Variants in EPS8 observed in about 807,000 individuals in gnomAD.
The protein encoded by EPS8 is EGFR pathway substrate 8, signaling adaptor.
EPS8 carries 42 observed loss-of-function variants against 103.8 expected under a neutral mutation model. The observed-to-expected ratio is 0.40, with a 90% confidence interval of 0.32 to 0.52. The LOEUF (loss-of-function observed/expected upper bound fraction) is 0.52, where lower values mean the gene tolerates loss of function less well. Ranked by LOEUF, EPS8 falls within the 20% of genes least tolerant of loss-of-function variation. The pLI, the probability that EPS8 is intolerant of heterozygous loss-of-function variation, is 0.40. For missense variants in EPS8, 969 were observed against 1,005.1 expected, an observed-to-expected ratio of 0.96 and a Z score of 0.49; for synonymous variants, 344 against 344.6, an observed-to-expected ratio of 1.00 and a Z score of 0.02.
rs1212394915 is a variant in EPS8, at chr12:15,620,636, G to A, written c.*681C>T. On this transcript the variant is annotated 3_prime_UTR_variant, in exon 21 of 21. Transcript: ENST00000281172. The stretch of plus-strand genomic sequence containing the variant: ...GTGCTTTCTCATATATAAGAACACA[G>A]TATACATAATAAGCAGAATATAAAC... The A allele has an allele frequency of 6.6e-6, 1 of 152,582 alleles. No homozygotes were observed. Among genetic ancestry groups the A allele is most frequent in the South Asian group, 2.1e-4 (1 of 4,828 alleles). 9.5% of individuals were successfully genotyped at this position (152,582 alleles called of 1,614,324 possible). A position where few individuals can be genotyped will look rare whatever the true frequency, so the allele number is the denominator to read the frequency against.
At chr12:15,692,514 T>A (rs563503111) in intron 1 of EPS8, among the ~76,000 whole-genome samples, 1 of 152,142 alleles carries the variant, frequency 6.6e-6, no homozygotes, top group East Asian at 1.9e-4. Flanking sequence ...TGCTATACAT[T>A]AGTATGGGTG....
At chr12:15,773,148 T>C (rs7968782) in intron 1 of EPS8, among the ~76,000 whole-genome samples, 6,707 of 152,196 alleles carry the variant, frequency 0.044, 456 homozygotes, top group African/African-American at 0.15. Flanking sequence ...GTTCCATATA[T>C]GCAGAATACC....
intron 17 of EPS8, among the ~76,000 whole-genome samples, chr12:15,640,013 C>T (rs959678934): frequency 3.9e-5 from 6 of 152,118 alleles, no homozygotes; most frequent in Admixed American, 2.6e-4. Context: ...TCTAAAATTC[C>T]GGAGTTTAAG....
intron 3 of EPS8, among the ~76,000 whole-genome samples, chr12:15,679,576 G>C (rs574337795): frequency 6.6e-6 from 1 of 152,056 alleles, no homozygotes; most frequent in African/African-American, 2.4e-5. Flanking sequence ...AGCATCCTCC[G>C]ACCCCTGAAA....
chr12:15,743,243 C>A lies in EPS8; in HGVS notation c.-22+45918G>T, dbSNP rs1946843087. On this transcript the variant is annotated intron_variant, in intron 1 of 20. Coordinates refer to ENST00000281172, the MANE Select transcript of EPS8 (RefSeq NM_004447.6). ...CCTCTTCAAGGAGAACTACAAACCA[C>A]TACTCAATGAAATAAAAGAGGACAC... Among the ~76,000 whole-genome samples the A allele has an allele frequency of 2.0e-5, 3 of 152,262 alleles. No individual in the cohort carries two copies. The South Asian group carries it at 6.2e-4, about 32-fold the overall frequency.
chr12:15,689,918 T>C (rs924109329), intron 1 of EPS8, among the ~76,000 whole-genome samples: 14 of 152,202 alleles, frequency 9.2e-5, no homozygotes, highest in African/African-American at 3.1e-4. Context: ...GGTAATATCA[T>C]CTTTAATGAG....
intron 2 of EPS8, 92 bp from the exon 3 acceptor site, chr12:15,681,394 A>C (rs1946004052): frequency 2.1e-5 from 10 of 469,554 alleles, no homozygotes; most frequent in Middle Eastern, 7.2e-4. Context: ...ACTCAACTAG[A>C]AAATAAAAAT....
chr12:15,643,847 T>G (rs935462334), intron 15 of EPS8, among the ~76,000 whole-genome samples: 5 of 151,872 alleles, frequency 3.3e-5, no homozygotes, highest in African/African-American at 1.2e-4. Flanking sequence ...ATACGCCACT[T>G]GATAGAGAGC....
intron 1 of EPS8, among the ~76,000 whole-genome samples, chr12:15,724,559 A>G (rs1946632380): frequency 6.6e-6 from 1 of 152,206 alleles, no homozygotes; most frequent in Non-Finnish European, 1.5e-5. Context: ...AAAACTTTTC[A>G]ATCTCTGATA....
chr12:15,662,301 G>T, intron 8 of EPS8: 1 of 1,349,596 alleles, frequency 7.4e-7, no homozygotes, highest in Non-Finnish European at 9.5e-7. Flanking sequence ...CAGAGCTTAA[G>T]TATTAGTCCT....
At chr12:15,630,111 G>A (rs907568594) in intron 18 of EPS8, among the ~76,000 whole-genome samples, 24 of 152,030 alleles carry the variant, frequency 1.6e-4, no homozygotes, top group African/African-American at 5.6e-4. Context: ...GTATGTTTAT[G>A]TGGAAAACGA....
chr12:15,679,161 C>A (rs1436092816), intron 3 of EPS8, among the ~76,000 whole-genome samples: 1 of 152,126 alleles, frequency 6.6e-6, no homozygotes, highest in Non-Finnish European at 1.5e-5. Context: ...TTACTTAAAT[C>A]TCTGATTCAC....
chr12:15,681,305 G>GTAATAATAATAATAATAATAATAA lies in EPS8; in HGVS notation c.60-27_60-4dup. 1 of 1,083,586 alleles carries GTAATAATAATAATAATAATAATAA rather than the reference G, an allele frequency of 9.2e-7. No homozygotes were observed. The highest frequency in any genetic ancestry group is 1.8e-5 in the African/African-American group (1 of 56,734). The allele number at this position is 1,083,586 out of a possible 1,614,324, so 67.1% of individuals were successfully genotyped here. On this transcript the variant is annotated splice_polypyrimidine_tract_variant and splice_region_variant and intron_variant, in intron 2 of 20. Coordinates refer to ENST00000281172, the MANE Select transcript of EPS8 (RefSeq NM_004447.6). Reference sequence around the variant, plus strand: ...AGGTAGGTGATGATCCGTAGCCACTGTAATAATAATAATAATAATAATAAT... The same window carrying GTAATAATAATAATAATAATAATAA: ...AGGTAGGTGATGATCCGTAGCCACTGTAATAATAATAATAATAATAATAATAATAATAATAATAATAATAATAAT...
Position 15,641,833 on chromosome 12 carries a change from A to G in EPS8, c.1569-3T>C. ...GTGTTTTGAGTGGTTCATAATTTCT[A>G]TAAAAAGAAAGAAAAAAGATTATTA... On this transcript the variant is annotated splice_region_variant and splice_polypyrimidine_tract_variant and intron_variant, in intron 15 of 20. Transcript: ENST00000281172. The G allele has an allele frequency of 1.3e-6, 2 of 1,485,802 alleles. No individual in the cohort carries two copies. The highest frequency in any genetic ancestry group is 9.2e-7 in the Non-Finnish European group (1 of 1,084,430). The allele number at this position is 1,485,802 out of a possible 1,614,324, so 92.0% of individuals were successfully genotyped here.
intron 1 of EPS8, among the ~76,000 whole-genome samples, chr12:15,705,151 A>G (rs951895168): frequency 6.6e-6 from 1 of 152,206 alleles, no homozygotes; most frequent in African/African-American, 2.4e-5. Context: ...CAGTTCTAAC[A>G]TTATCTGGCA....
intron 12 of EPS8, among the ~76,000 whole-genome samples, chr12:15,656,727 C>T (rs755307091): frequency 2.0e-5 from 3 of 152,068 alleles, no homozygotes; most frequent in Non-Finnish European, 4.4e-5. Context: ...CAAATTTCCC[C>T]ATCTGGATAC....
rs750408856 is a variant in EPS8 at position 15,670,828 on chromosome 12, AATACTAGCAAAC to A, written c.204+16_204+27del. On this transcript the variant is annotated intron_variant, in intron 4 of 20. Coordinates refer to ENST00000281172, the MANE Select transcript of EPS8 (RefSeq NM_004447.6). ...TTTATGTTCCTCAAGGGTCACTCTA[AATACTAGCAAAC>A]ACCAAAGCATCTTACTTCAACACGG... The A allele has an allele frequency of 1.3e-6, 2 of 1,528,606 alleles. No individual in the cohort carries two copies. Among genetic ancestry groups the A allele is most frequent in the African/African-American group, 2.7e-5 (2 of 73,198 alleles). The allele number at this position is 1,528,606 out of a possible 1,614,324, so 94.7% of individuals were successfully genotyped here.
intron 1 of EPS8, among the ~76,000 whole-genome samples, chr12:15,707,123 A>G (rs1946397707): frequency 6.6e-6 from 1 of 152,194 alleles, no homozygotes; most frequent in African/African-American, 2.4e-5. Flanking sequence ...GCCCCATGAA[A>G]TATTACACTT....
At chr12:15,655,513 G>A (rs532622457) in intron 12 of EPS8, among the ~76,000 whole-genome samples, 21 of 152,232 alleles carry the variant, frequency 1.4e-4, no homozygotes, top group African/African-American at 4.6e-4. Context: ...GAAAAAAGAT[G>A]GCAGATAACG....
Sources: gnomAD v4.1 joint callset for allele counts (sites outside exome capture counted in the v4.1 genomes callset) on GRCh38, gnomAD v4.1.1 for gene constraint, MANE v1.5 for transcripts, NCBI Gene and HGNC (gene_info 2026-07-23, HGNC 2026-07-21) for gene names.